The following ASIC2 variants were observed in gnomAD, a reference collection of about 807,000 sequenced individuals.
ASIC2 encodes acid sensing ion channel subunit 2.
Under a neutral mutation model 57.3 loss-of-function variants are expected in ASIC2, and 25 were observed. The ratio of observed to expected loss-of-function variants is 0.44; its 90% CI spans 0.32 to 0.61. The LOEUF (loss-of-function observed/expected upper bound fraction) is 0.61. Ranked by LOEUF, ASIC2 falls within the 20% of genes least tolerant of loss-of-function variation. The probability of loss-of-function intolerance (pLI) is 0.06; values close to 1 mark genes in which losing one functional copy is unlikely to be tolerated. For missense variants in ASIC2, 641 were observed against 738.1 expected (o/e 0.87, Z 1.52); for synonymous variants, 319 against 307.5 (o/e 1.04, Z -0.39).
chr17:33,482,247 C>T (rs1245301147), intron 1 of ASIC2, among the ~76,000 whole-genome samples: 1 of 152,242 alleles, frequency 6.6e-6, no homozygotes, highest in Non-Finnish European at 1.5e-5. Flanking sequence ...AGACTCATCT[C>T]AGCCATTGTA....
intron 1 of ASIC2, among the ~76,000 whole-genome samples, chr17:33,335,869 T>C (rs958936374): frequency 3.7e-4 from 56 of 152,172 alleles, no homozygotes; most frequent in African/African-American, 1.4e-3. Flanking sequence ...GAGTTCAGCC[T>C]TCCAGCTCCA....
chr17:33,047,130 A>C (rs2091958654), intron 3 of ASIC2, among the ~76,000 whole-genome samples: 1 of 152,224 alleles, frequency 6.6e-6, no homozygotes, highest in African/African-American at 2.4e-5. Flanking sequence ...CAGTGGGGGA[A>C]TAGTGGATGC....
At chr17:33,462,503 C>A (rs960546115) in intron 1 of ASIC2, among the ~76,000 whole-genome samples, 1 of 152,198 alleles carries the variant, frequency 6.6e-6, no homozygotes, top group African/African-American at 2.4e-5. Context: ...AATGGGGCCC[C>A]AGGATGACTC....
intron 1 of ASIC2, among the ~76,000 whole-genome samples, chr17:34,008,858 T>G (rs1241290639): frequency 6.6e-6 from 1 of 152,130 alleles, no homozygotes; most frequent in African/African-American, 2.4e-5. Context: ...CATTTGTTTT[T>G]CAAAAATGAA....
At chr17:33,133,765 C>T (rs2092356990) in intron 1 of ASIC2, among the ~76,000 whole-genome samples, 1 of 152,150 alleles carries the variant, frequency 6.6e-6, no homozygotes, top group Non-Finnish European at 1.5e-5. Flanking sequence ...CCTCCTTCTA[C>T]CCTGCCCCAT....
chr17:33,241,718 G>T (rs1169983763), intron 1 of ASIC2, among the ~76,000 whole-genome samples: 1 of 152,174 alleles, frequency 6.6e-6, no homozygotes, highest in Non-Finnish European at 1.5e-5. Context: ...CAGGACACAT[G>T]CTCTATGAGC....
chr17:33,174,955 G>A (rs1344765079), intron 1 of ASIC2, among the ~76,000 whole-genome samples: 1 of 152,132 alleles, frequency 6.6e-6, no homozygotes, highest in African/African-American at 2.4e-5. Context: ...TGTCCTTGTG[G>A]ATGGACCCTC....
chr17:34,117,044 C>T (rs562085314), intron 1 of ASIC2, among the ~76,000 whole-genome samples: 1 of 151,744 alleles, frequency 6.6e-6, no homozygotes, highest in South Asian at 2.1e-4. Flanking sequence ...AAATATGTAT[C>T]GTGGGTTTGT....
intron 1 of ASIC2, among the ~76,000 whole-genome samples, chr17:33,124,802 T>C (rs1056461281): frequency 6.6e-6 from 1 of 152,234 alleles, no homozygotes; most frequent in Non-Finnish European, 1.5e-5. Context: ...AATAATTAGG[T>C]AACTCACCAT....
intron 1 of ASIC2, among the ~76,000 whole-genome samples, chr17:33,541,782 C>T (rs1915419383): frequency 6.6e-6 from 1 of 152,166 alleles, no homozygotes; most frequent in African/African-American, 2.4e-5. Context: ...ATCACTACTA[C>T]AGGTACTCCA....
intron 1 of ASIC2, among the ~76,000 whole-genome samples, chr17:33,849,271 G>A (rs1913698966): frequency 6.6e-6 from 1 of 152,206 alleles, no homozygotes; most frequent in South Asian, 2.1e-4. Flanking sequence ...CCCAGGGGAA[G>A]AGCAAGCATG....
chr17:34,067,232 G>C (rs1020392299), intron 1 of ASIC2, among the ~76,000 whole-genome samples: 1 of 152,182 alleles, frequency 6.6e-6, no homozygotes. Context: ...GCTCTCTGAA[G>C]TCCTTTGTAG....
intron 3 of ASIC2, among the ~76,000 whole-genome samples, chr17:33,028,758 A>G (rs1484045736): frequency 6.6e-6 from 1 of 152,072 alleles, no homozygotes; most frequent in Non-Finnish European, 1.5e-5. Flanking sequence ...ATGTCTTCCC[A>G]CTTCCACATT....
intron 1 of ASIC2, among the ~76,000 whole-genome samples, chr17:33,874,366 TAGTATA>T (rs2141934211): frequency 6.6e-6 from 1 of 152,386 alleles, no homozygotes; most frequent in African/African-American, 2.4e-5. Flanking sequence ...TAAATATTTT[TAGTATA>T]AGTATGTCCC....
chr17:33,675,211 T>G (rs113139481), intron 1 of ASIC2, among the ~76,000 whole-genome samples: 5 of 152,212 alleles, frequency 3.3e-5, no homozygotes, highest in African/African-American at 1.2e-4. Context: ...TTATTCTCTT[T>G]TCACCTGTCA....
rs551560319 is a variant in ASIC2 at position 33,695,431 on chromosome 17, T to A, written c.555+460547A>T. 1.1e-3 allele frequency among the ~76,000 whole-genome samples: 173 copies of A among 152,296 alleles called. 2 individuals are homozygous for A. The highest frequency in any genetic ancestry group is 3.8e-3 in the African/African-American group (159 of 41,566). On this transcript the variant is annotated intron_variant, in intron 1 of 9. Coordinates refer to the ASIC2 transcript ENST00000359872. ...ATTATAGGGCTTTCTGTAGTTTTTT[T>A]AAAAAATTAAAAAATACATATGCAT...
chr17:33,158,279 A>G (rs552415441), intron 1 of ASIC2, among the ~76,000 whole-genome samples: 19 of 147,264 alleles, frequency 1.3e-4, no homozygotes, highest in Admixed American at 9.3e-4. Flanking sequence ...CAATACTTGA[A>G]TGAATGAATG....
intron 1 of ASIC2, among the ~76,000 whole-genome samples, chr17:34,067,721 TGAA>T (rs1396838869): frequency 6.6e-6 from 1 of 152,200 alleles, no homozygotes; most frequent in African/African-American, 2.4e-5. Context: ...GCTACTGTTG[TGAA>T]GGATGAGGAA....
At chr17:33,836,071 C>T (rs376784897) in intron 1 of ASIC2, among the ~76,000 whole-genome samples, 102 of 137,186 alleles carry the variant, frequency 7.4e-4, no homozygotes, top group Middle Eastern at 3.8e-3. Flanking sequence ...TATATATATA[C>T]ACACACACAC....
Sources: allele counts gnomAD v4.1 joint callset (sites outside exome capture counted in the v4.1 genomes callset), GRCh38; gene constraint gnomAD v4.1.1; transcripts MANE v1.5; gene names NCBI Gene and HGNC (gene_info 2026-07-23, HGNC 2026-07-21).